Variants in PTMA observed in about 807,000 individuals in gnomAD.
PTMA encodes the protein prothymosin alpha.
A neutral mutation model predicts 16.9 loss-of-function variants in PTMA; 4 were observed. That is an observed-to-expected ratio of 0.24 (90% CI 0.12 to 0.54). The LOEUF (loss-of-function observed/expected upper bound fraction) is 0.54, where lower values mean the gene tolerates loss of function less well. Ranked by LOEUF, PTMA falls within the 20% of genes least tolerant of loss-of-function variation. The pLI, the probability that PTMA is intolerant of heterozygous loss-of-function variation, is 0.95. For missense variants in PTMA, 120 were observed against 137.7 expected (o/e 0.87, Z 0.64); for synonymous variants, 58 against 47.9 (o/e 1.21, Z -0.87).
At chr2:231,712,575 A>G in intron 4 of PTMA, 59 bp downstream of exon 4, 2 of 1,558,286 alleles carry the variant, frequency 1.3e-6, no homozygotes, top group Non-Finnish European at 1.8e-6. Flanking sequence ...ACCTGCCTTT[A>G]GCTGAGGTGC....
chr2:231,711,174 C>A lies in PTMA; in HGVS notation c.46-174C>A, dbSNP rs1159551330. 4.9e-5 allele frequency: 28 copies of A among 568,606 alleles called. No individual in the cohort carries two copies. The Admixed American group carries it at 8.1e-4, about 16-fold the overall frequency. 35.2% of individuals were successfully genotyped at this position (568,606 alleles called of 1,614,324 possible). A position where few individuals can be genotyped will look rare whatever the true frequency, so the allele number is the denominator to read the frequency against. On this transcript the variant is annotated intron_variant, in intron 1 of 4. Transcript: ENST00000409115. ...TCACAGATGCCCCCCGCCGGCCTTC[C>A]TTCCACCAGACCAGTGGGAGAGGGA...
chr2:231,708,773 C>T (rs753948771), intron 1 of PTMA, 22 bp downstream of exon 1: 2 of 1,599,510 alleles, frequency 1.3e-6, no homozygotes, highest in Admixed American at 1.7e-5. Flanking sequence ...CGCCGCCCGC[C>T]CCCTCGGGGT....
chr2:231,711,553 A>T (rs2048519062), intron 2 of PTMA, 134 bp downstream of exon 2: 1 of 861,082 alleles, frequency 1.2e-6, no homozygotes, highest in Non-Finnish European at 1.8e-6. Flanking sequence ...TATCGTAGCC[A>T]ATGAGCTTTA....
intron 2 of PTMA, 64 bp downstream of exon 2, chr2:231,711,483 C>T (rs983468186): frequency 2.1e-6 from 3 of 1,443,204 alleles, no homozygotes; most frequent in South Asian, 2.3e-5. Flanking sequence ...TCCTGTTCTA[C>T]TTTAAACATA....
At chr2:231,711,646 C>G (rs973594322) in intron 2 of PTMA, 3 of 752,184 alleles carry the variant, frequency 4.0e-6, no homozygotes, top group African/African-American at 1.8e-5. Context: ...AGAGGAGACT[C>G]CGGTAGTCTG....
intron 1 of PTMA, 44 bp from the exon 2 acceptor site, chr2:231,711,304 C>T: frequency 1.3e-6 from 2 of 1,551,244 alleles, no homozygotes; most frequent in African/African-American, 1.4e-5. Flanking sequence ...CCCTGGGTTG[C>T]TCAGAAGACT....
chr2:231,710,576 C>G, intron 1 of PTMA: 1 of 539,186 alleles, frequency 1.9e-6, no homozygotes, highest in Non-Finnish European at 3.4e-6. Flanking sequence ...GCCCGGACGC[C>G]GGACCTCTGT....
At position 231,712,747 on chromosome 2, in the gene PTMA, T is replaced by C. The variant is rs903546344; in HGVS notation, c.286-57T>C. The C allele has an allele frequency of 1.9e-6, 3 of 1,551,888 alleles. No individual in the cohort carries two copies. In the African/African-American group the frequency reaches 4.1e-5, roughly 21 times the overall value. The stretch of plus-strand genomic sequence containing the variant: ...GCTCTGCCAGCAGGAGCTGAGGCAG[T>C]GGGCTGGATAGGGCTCCTGGGGTTG... On this transcript the variant is annotated intron_variant, in intron 4 of 4. Transcript: ENST00000409115.
intron 1 of PTMA, 58 bp downstream of exon 1, chr2:231,708,809 T>G (rs1294346755): frequency 1.0e-5 from 16 of 1,571,930 alleles, no homozygotes; most frequent in South Asian, 5.6e-5. Context: ...CGGGCGGTGT[T>G]TGGCGCGCAG....
chr2:231,708,624 G>T lies in PTMA; in HGVS notation c.-83G>T. Reference sequence around the variant, plus strand: ...GCCGCGCGCCTCCTCCGCCGCCGCGGACTCCGGCAGCTTTATCGCCAGAGT... The same window carrying T: ...GCCGCGCGCCTCCTCCGCCGCCGCGTACTCCGGCAGCTTTATCGCCAGAGT... On this transcript the variant is annotated 5_prime_UTR_variant, in exon 1 of 5. Transcript: ENST00000409115. The T allele has an allele frequency of 1.3e-6, 2 of 1,568,684 alleles. No individual in the cohort carries two copies. Among genetic ancestry groups the T allele is most frequent in the Admixed American group, 1.7e-5 (1 of 59,380 alleles).
intron 1 of PTMA, 23 bp downstream of exon 1, chr2:231,708,774 CCCTCGGGGTCCG>C (rs1257519026): frequency 6.3e-7 from 1 of 1,598,706 alleles, no homozygotes; most frequent in Non-Finnish European, 8.5e-7. Flanking sequence ...GCCGCCCGCC[CCCTCGGGGTCCG>C]CGCGCCGCCG....
rs1224369702 is a variant in PTMA, at chr2:231,713,243, A to G, written c.*392A>G. The G allele has an allele frequency of 2.2e-6, 1 of 458,420 alleles. No individual in the cohort carries two copies. Among genetic ancestry groups the G allele is most frequent in the Non-Finnish European group, 4.4e-6 (1 of 229,296 alleles). 28.4% of individuals were successfully genotyped at this position (458,420 alleles called of 1,614,324 possible). A position where few individuals can be genotyped will look rare whatever the true frequency, so the allele number is the denominator to read the frequency against. On this transcript the variant is annotated 3_prime_UTR_variant, in exon 5 of 5. Coordinates refer to ENST00000409115, the MANE Select transcript of PTMA (RefSeq NM_002823.5). ...TACTTCTGACTTTACTTGTGGTGTGACCATGTTCATTATAATCTCAAAGGA... is the reference window on the plus strand; with the variant it reads ...TACTTCTGACTTTACTTGTGGTGTGGCCATGTTCATTATAATCTCAAAGGA...
At chr2:231,708,865 A>G in intron 1 of PTMA, 114 bp downstream of exon 1, 1 of 1,286,362 alleles carries the variant, frequency 7.8e-7, no homozygotes, top group Non-Finnish European at 1.1e-6. Flanking sequence ...TCGCGGGGAA[A>G]CGGCCCGCCC....
intron 1 of PTMA, chr2:231,710,666 C>A: frequency 4.6e-6 from 2 of 436,616 alleles, no homozygotes; most frequent in Non-Finnish European, 9.4e-6. Context: ...GGGCGGAGTC[C>A]CACCCCCGAG....
At position 231,711,323 on chromosome 2, in the gene PTMA, A is replaced by C. The variant is rs746343823; in HGVS notation, c.46-25A>C. The C allele has an allele frequency of 6.9e-6, 11 of 1,603,606 alleles. No homozygotes were observed. The South Asian group carries it at 1.2e-4, about 18-fold the overall frequency. ...GGGTTGCTCAGAAGACTTACTGGTT[A>C]CTGGTTCCTTCTTCCCTTTTGAAGG... On this transcript the variant is annotated intron_variant, in intron 1 of 4. Coordinates refer to ENST00000409115, the MANE Select transcript of PTMA (RefSeq NM_002823.5).
chr2:231,712,918 C>T lies in PTMA; in HGVS notation c.*67C>T. On this transcript the variant is annotated 3_prime_UTR_variant, in exon 5 of 5. Transcript: ENST00000409115. ...CCGTGACCTATTCACCCTCCACTTCCCGTCTCAGAATCTAAACGTGGTCAC... is the reference window on the plus strand; with the variant it reads ...CCGTGACCTATTCACCCTCCACTTCTCGTCTCAGAATCTAAACGTGGTCAC... 6.7e-7 allele frequency: 1 copy of T among 1,486,720 alleles called. No individual in the cohort carries two copies. Among genetic ancestry groups the T allele is most frequent in the Non-Finnish European group, 9.1e-7 (1 of 1,103,216 alleles). 92.1% of individuals were successfully genotyped at this position (1,486,720 alleles called of 1,614,324 possible).
chr2:231,712,391 G>A lies in PTMA; in HGVS notation c.212-52G>A, dbSNP rs886304929. 3.4e-5 allele frequency: 53 copies of A among 1,565,386 alleles called. No homozygotes were observed. In the East Asian group the frequency reaches 8.7e-4, roughly 26 times the overall value. On this transcript the variant is annotated intron_variant, in intron 3 of 4. Coordinates refer to ENST00000409115, the MANE Select transcript of PTMA (RefSeq NM_002823.5). The stretch of plus-strand genomic sequence containing the variant: ...CTACATGTTCCTCGGGATTTCCCCA[G>A]GAGCCACAGTAGGAGGGAAGTGTGG...
rs766790158 is a variant in PTMA at position 231,710,227 on chromosome 2, GA to G, written c.46-1120del. 3.0e-6 allele frequency: 4 copies of G among 1,342,254 alleles called. No individual in the cohort carries two copies. The South Asian group carries it at 6.1e-5, about 20-fold the overall frequency. The allele number at this position is 1,342,254 out of a possible 1,614,324, so 83.1% of individuals were successfully genotyped here. A position where few individuals can be genotyped will look rare whatever the true frequency, so the allele number is the denominator to read the frequency against. ...GGTGGCGGCAGTGGGGCGTCGAGTC[GA>G]GAGCCCGGCCGACCGACGCGCGACC... is the stretch of plus-strand genomic sequence containing the variant. On this transcript the variant is annotated intron_variant, in intron 1 of 4. Transcript: ENST00000409115.
intron 1 of PTMA, among the ~76,000 whole-genome samples, chr2:231,709,161 G>C (rs948926207): frequency 2.6e-5 from 4 of 152,160 alleles, no homozygotes; most frequent in African/African-American, 9.7e-5. Context: ...GCGCGTGTTG[G>C]GGCGCGGGCC....
Sources: gnomAD v4.1 joint callset for allele counts (sites outside exome capture counted in the v4.1 genomes callset) on GRCh38, gnomAD v4.1.1 for gene constraint, MANE v1.5 for transcripts, NCBI Gene and HGNC (gene_info 2026-07-23, HGNC 2026-07-21) for gene names.